The following DENND2A variants were observed in gnomAD, a reference collection of about 807,000 sequenced individuals.
DENND2A encodes DENN domain containing 2A.
In DENND2A, 53 loss-of-function variants were observed where a neutral mutation model predicts 105.3. The ratio of observed to expected loss-of-function variants is 0.50; its 90% CI spans 0.40 to 0.63. DENND2A has a LOEUF of 0.63. Ranked by LOEUF, DENND2A falls within the 30% of genes least tolerant of loss-of-function variation. The pLI, the probability that DENND2A is intolerant of heterozygous loss-of-function variation, is 0.00. For synonymous variants in DENND2A, 522 were observed against 508.4 expected (o/e 1.03, Z -0.36); for missense variants, 1,138 against 1,279.6 (o/e 0.89, Z 1.69).
At chr7:140,603,139 G>A (rs575802998) in intron 2 of DENND2A, among the ~76,000 whole-genome samples, 17 of 151,912 alleles carry the variant, frequency 1.1e-4, no homozygotes, top group Non-Finnish European at 2.4e-4. Flanking sequence ...AAAGATTAGC[G>A]GGGTGTGGTG....
intron 18 of DENND2A, among the ~76,000 whole-genome samples, chr7:140,520,930 A>G (rs577209975): frequency 6.8e-6 from 1 of 146,912 alleles, no homozygotes; most frequent in South Asian, 2.1e-4. Flanking sequence ...GCTGGAGTGC[A>G]ATGGTGCAAT....
chr7:140,576,170 C>T (rs1380738959), intron 5 of DENND2A, among the ~76,000 whole-genome samples: 1 of 151,888 alleles, frequency 6.6e-6, no homozygotes, highest in African/African-American at 2.4e-5. Flanking sequence ...TCAATGAGCT[C>T]TACATAGAAC....
At chr7:140,562,695 A>ACC (rs142896649) in intron 9 of DENND2A, among the ~76,000 whole-genome samples, 5 of 151,974 alleles carry the variant, frequency 3.3e-5, no homozygotes, top group Middle Eastern at 3.4e-3. Flanking sequence ...CAACAAAAAA[A>ACC]CCCGCTTCCA....
At chr7:140,533,491 G>A (rs1796343863) in intron 14 of DENND2A, among the ~76,000 whole-genome samples, 1 of 152,200 alleles carries the variant, frequency 6.6e-6, no homozygotes, top group African/African-American at 2.4e-5. Flanking sequence ...CAGCTGCAGT[G>A]AGTGTGAACC....
intron 5 of DENND2A, among the ~76,000 whole-genome samples, chr7:140,575,934 AC>A (rs1798281301): frequency 6.6e-6 from 1 of 151,066 alleles, no homozygotes; most frequent in South Asian, 2.1e-4. Flanking sequence ...ACACAACTGC[AC>A]CCCCGCCTAG....
chr7:140,526,113 G>T (rs1796046057), intron 15 of DENND2A, among the ~76,000 whole-genome samples: 1 of 152,192 alleles, frequency 6.6e-6, no homozygotes, highest in South Asian at 2.1e-4. Context: ...GGGCTACTGA[G>T]GTAGGCAAAA....
At chr7:140,567,304 AAGAG>A (rs60964847) in intron 8 of DENND2A, 31 bp from the exon 9 acceptor site, 48,705 of 652,086 alleles carry the variant, frequency 0.075, 297 homozygotes, top group South Asian at 0.092. Context: ...GAAAGAGAGA[AAGAG>A]AGAGAGAGAG....
chr7:140,602,551 G>T lies in DENND2A; in HGVS notation c.-145-9C>A. ...GACCTTCCACCTTGACCCTGCACAA[G>T]AAAGACAAACACCAGGTGAGTGATT... On this transcript the variant is annotated splice_polypyrimidine_tract_variant and intron_variant, in intron 2 of 19. Transcript: ENST00000496613. 1.5e-6 allele frequency: 1 copy of T among 680,922 alleles called. No individual in the cohort carries two copies. Among genetic ancestry groups the T allele is most frequent in the Non-Finnish European group, 2.2e-6 (1 of 454,130 alleles). 42.2% of individuals were successfully genotyped at this position (680,922 alleles called of 1,614,324 possible). A position where few individuals can be genotyped will look rare whatever the true frequency, so the allele number is the denominator to read the frequency against.
chr7:140,565,851 C>A (rs996969651), intron 9 of DENND2A, among the ~76,000 whole-genome samples: 1 of 152,100 alleles, frequency 6.6e-6, no homozygotes, highest in Non-Finnish European at 1.5e-5. Context: ...CCACCAAAAC[C>A]AAGATGGTGA....
chr7:140,576,238 G>C (rs1288976526), intron 5 of DENND2A, among the ~76,000 whole-genome samples: 1 of 151,700 alleles, frequency 6.6e-6, no homozygotes, highest in East Asian at 1.9e-4. Flanking sequence ...TGATTTACTT[G>C]TATTTTTATT....
chr7:140,573,745 C>A (rs975794510), intron 6 of DENND2A, 63 bp downstream of exon 6: 2 of 1,552,302 alleles, frequency 1.3e-6, no homozygotes, highest in Non-Finnish European at 1.8e-6. Flanking sequence ...GACCCCTCTG[C>A]AGTCTTCTTT....
At chr7:140,585,328 G>T (rs1474303514) in intron 5 of DENND2A, among the ~76,000 whole-genome samples, 1 of 152,156 alleles carries the variant, frequency 6.6e-6, no homozygotes, top group Admixed American at 6.5e-5. Context: ...TGTATGGGAC[G>T]GATGTACCAT....
intron 17 of DENND2A, among the ~76,000 whole-genome samples, chr7:140,522,887 T>C (rs1795913251): frequency 6.6e-6 from 1 of 151,792 alleles, no homozygotes; most frequent in Non-Finnish European, 1.5e-5. Flanking sequence ...GGATTACAGG[T>C]GTGAGCTGCT....
In DENND2A at chr7:140,612,186, A is replaced by C. The variant is rs554654519; in HGVS notation, c.-247-6380T>G. On this transcript the variant is annotated intron_variant, in intron 1 of 19. Transcript: ENST00000496613. ...AACCTGGGAGGCGGAGATTGCCATG[A>C]GCCAAGATTGCCCCATCGCACTCCA... is the stretch of plus-strand genomic sequence containing the variant. Among the ~76,000 whole-genome samples, 15 of 151,918 alleles carry C rather than the reference A, an allele frequency of 9.9e-5. No individual in the cohort carries two copies. The East Asian group carries it at 2.3e-3, about 24-fold the overall frequency.
intron 3 of DENND2A, among the ~76,000 whole-genome samples, chr7:140,597,166 C>T (rs995179606): frequency 1.3e-5 from 2 of 152,200 alleles, no homozygotes; most frequent in South Asian, 2.1e-4. Context: ...AAGAAAAATA[C>T]GCTTTCTTAA....
intron 3 of DENND2A, among the ~76,000 whole-genome samples, chr7:140,598,944 T>C (rs1458189875): frequency 2.0e-5 from 3 of 152,132 alleles, no homozygotes; most frequent in Non-Finnish European, 4.4e-5. Flanking sequence ...TATTATTTTT[T>C]TTTGCATATG....
At chr7:140,535,881 C>T (rs1463789702) in intron 14 of DENND2A, among the ~76,000 whole-genome samples, 8 of 152,104 alleles carry the variant, frequency 5.3e-5, no homozygotes, top group Non-Finnish European at 1.2e-4. Context: ...TGCACCTGGC[C>T]GTCCTTCCAA....
chr7:140,550,882 T>C lies in DENND2A; in HGVS notation c.2038-3943A>G, dbSNP rs367729636. ...TGTTAAAATGGTTAAGATGGTAAAT[T>C]TTTTGTTATGTATATATTTTAGCAC... On this transcript the variant is annotated intron_variant, in intron 12 of 19. Coordinates refer to ENST00000496613, the MANE Select transcript of DENND2A (RefSeq NM_015689.5). Among the ~76,000 whole-genome samples the C allele has an allele frequency of 1.8e-4, 28 of 152,206 alleles. No homozygotes were observed. The South Asian group carries it at 5.2e-3, about 28-fold the overall frequency.
intron 12 of DENND2A, among the ~76,000 whole-genome samples, chr7:140,553,072 G>C (rs201878262): frequency 6.6e-6 from 1 of 152,110 alleles, no homozygotes; most frequent in East Asian, 1.9e-4. Flanking sequence ...CAGAGACAAA[G>C]TATAGAGAAA....
Sources: gnomAD v4.1 joint callset for allele counts (sites outside exome capture counted in the v4.1 genomes callset) on GRCh38, gnomAD v4.1.1 for gene constraint, MANE v1.5 for transcripts, NCBI Gene and HGNC (gene_info 2026-07-23, HGNC 2026-07-21) for gene names.